TGM4: variants seen among roughly 807,000 people sequenced by gnomAD.
TGM4 encodes the protein protein-glutamine gamma-glutamyltransferase 4.
Under a neutral mutation model 76.3 loss-of-function variants are expected in TGM4, and 61 were observed. The observed-to-expected ratio is 0.80, with a 90% CI of 0.65 to 0.99. TGM4 has a LOEUF of 0.99. Ranked by LOEUF, TGM4 falls within the 50% of genes least tolerant of loss-of-function variation. The pLI is 0.00. For synonymous variants in TGM4, 337 were observed against 329.8 expected (o/e 1.02, Z -0.24); for missense variants, 794 against 843.2 (o/e 0.94, Z 0.72).
At chr3:44,898,003 C>T (rs1259047556) in intron 6 of TGM4, among the ~76,000 whole-genome samples, 4 of 152,130 alleles carry the variant, frequency 2.6e-5, no homozygotes, top group Non-Finnish European at 5.9e-5. Flanking sequence ...AGAGGACGGC[C>T]GGGCGTGGTG....
chr3:44,906,885 C>T (rs1455276612), intron 9 of TGM4, 64 bp from the exon 10 acceptor site: 2 of 1,586,636 alleles, frequency 1.3e-6, no homozygotes, highest in African/African-American at 2.7e-5. Flanking sequence ...ATTGCTGCCA[C>T]TGGGTCCAGG....
chr3:44,881,342 G>A (rs979927528), intron 1 of TGM4, among the ~76,000 whole-genome samples: 5 of 152,170 alleles, frequency 3.3e-5, no homozygotes, highest in African/African-American at 4.8e-5. Context: ...CTTACCAGAA[G>A]GAAGGAGAAG....
At chr3:44,878,639 T>C (rs1431559754) in intron 1 of TGM4, among the ~76,000 whole-genome samples, 1 of 151,850 alleles carries the variant, frequency 6.6e-6, no homozygotes, top group African/African-American at 2.4e-5. Flanking sequence ...TGCGCCACAT[T>C]ACCCAGCTAA....
chr3:44,874,732 C>G, intron 1 of TGM4, 35 bp downstream of exon 1: 1 of 1,613,968 alleles, frequency 6.2e-7, no homozygotes, highest in Non-Finnish European at 8.5e-7. Context: ...GCCCCACATG[C>G]CCCTTCAGCC....
Position 44,914,509 on chromosome 3 carries a change from T to G in TGM4, c.*784T>G, listed in dbSNP as rs1165963454. On this transcript the variant is annotated 3_prime_UTR_variant, in exon 14 of 14. Coordinates refer to ENST00000296125, the MANE Select transcript of TGM4 (RefSeq NM_003241.4). ...ACTATCCTGGCAACTCAAGGCTGCT[T>G]CTGTTAACTGAAGCCTGCTCCTTCT... The G allele has an allele frequency of 6.6e-6, 1 of 152,174 alleles. No individual in the cohort carries two copies. 9.4% of individuals were successfully genotyped at this position (152,174 alleles called of 1,614,324 possible).
At chr3:44,893,919 T>A (rs561119739) in intron 5 of TGM4, among the ~76,000 whole-genome samples, 1 of 145,370 alleles carries the variant, frequency 6.9e-6, no homozygotes, top group Non-Finnish European at 1.5e-5. Context: ...CCATGGCCTT[T>A]CCCATCCACC....
chr3:44,897,006 T>C (rs1448887309), intron 6 of TGM4, among the ~76,000 whole-genome samples, 190 bp downstream of exon 6: 95 of 147,280 alleles, frequency 6.5e-4, no homozygotes, highest in African/African-American at 1.8e-3. Flanking sequence ...TTTTCTTTTT[T>C]TTTTTTTTTT....
At chr3:44,882,029 C>T (rs531615451) in intron 1 of TGM4, among the ~76,000 whole-genome samples, 15 of 145,868 alleles carry the variant, frequency 1.0e-4, no homozygotes, top group Non-Finnish European at 1.9e-4. Flanking sequence ...TATCCAAGTG[C>T]AATAGCTACA....
intron 1 of TGM4, among the ~76,000 whole-genome samples, chr3:44,875,450 G>A (rs1699438956): frequency 1.3e-5 from 2 of 152,214 alleles, no homozygotes; most frequent in South Asian, 2.1e-4. Context: ...GCTGTCAGCA[G>A]TGTCATTGCT....
At chr3:44,891,547 T>A (rs989312629) in intron 4 of TGM4, among the ~76,000 whole-genome samples, 1 of 152,030 alleles carries the variant, frequency 6.6e-6, no homozygotes. Flanking sequence ...ACACAAGCTT[T>A]TTATTTTTGA....
chr3:44,892,576 G>T (rs113605476), intron 4 of TGM4, among the ~76,000 whole-genome samples: 14,906 of 151,824 alleles, frequency 0.098, 822 homozygotes, highest in Middle Eastern at 0.15. Context: ...TCGCCATGTT[G>T]GTCAGGCTGG....
chr3:44,884,962 G>T (rs1020532474), intron 1 of TGM4, among the ~76,000 whole-genome samples: 1 of 152,226 alleles, frequency 6.6e-6, no homozygotes, highest in Non-Finnish European at 1.5e-5. Flanking sequence ...GAGAGGGGGA[G>T]TTGGGGTGGG....
Position 44,875,829 on chromosome 3 carries a change from A to T in TGM4, c.19+1132A>T, listed in dbSNP as rs1699444778. Among the ~76,000 whole-genome samples the T allele has an allele frequency of 2.0e-5, 3 of 152,162 alleles. No homozygotes were observed. In the South Asian group the frequency reaches 6.2e-4, roughly 32 times the overall value. On this transcript the variant is annotated intron_variant, in intron 1 of 13. Coordinates refer to ENST00000296125, the MANE Select transcript of TGM4 (RefSeq NM_003241.4). ...AATCAGACTCTTCTTTTTAGTCCCA[A>T]GGCCACAGAGTTTTGAATTCCTCCT...
intron 8 of TGM4, chr3:44,903,607 C>T: frequency 2.2e-6 from 1 of 452,110 alleles, no homozygotes; most frequent in Admixed American, 3.6e-5. Context: ...GTGAAGACTC[C>T]CAGGCTCTTT....
At chr3:44,876,669 AATCTTAG>A (rs1236123873) in intron 1 of TGM4, among the ~76,000 whole-genome samples, 1 of 152,244 alleles carries the variant, frequency 6.6e-6, no homozygotes, top group Non-Finnish European at 1.5e-5. Context: ...TATGAAAAAT[AATCTTAG>A]AGTAGAGAAG....
chr3:44,900,666 G>A (rs1167399257), intron 6 of TGM4, among the ~76,000 whole-genome samples: 2 of 152,158 alleles, frequency 1.3e-5, no homozygotes, highest in African/African-American at 4.8e-5. Flanking sequence ...GGTGGATGTG[G>A]TCAAAGCCAG....
Position 44,893,611 on chromosome 3 carries a change from CAA to C in TGM4, c.467_468del (p.Lys156ArgfsTer6). ...TTTTCATGCCTGATGAGGACGAGCG[CAA>C]AGAGTACATCCTCAATGACACGGGC... is the stretch of plus-strand genomic sequence containing the variant. ...MVFMPDEDER[K>X]EYILNDTGCH... On this transcript the variant is annotated frameshift_variant, in exon 5 of 14. Transcript: ENST00000296125. LOFTEE classifies it high-confidence loss of function. 1 of 1,613,844 alleles carries C rather than the reference CAA, an allele frequency of 6.2e-7. No homozygotes were observed. The highest frequency in any genetic ancestry group is 8.5e-7 in the Non-Finnish European group (1 of 1,179,856).
chr3:44,910,910 G>C (rs754287161), intron 11 of TGM4, 48 bp from the exon 12 acceptor site: 5 of 1,586,816 alleles, frequency 3.2e-6, no homozygotes, highest in African/African-American at 2.7e-5. Context: ...ACTCATACTG[G>C]GGGGGTATGA....
intron 1 of TGM4, among the ~76,000 whole-genome samples, chr3:44,875,581 G>A (rs542240218): frequency 2.6e-5 from 4 of 151,994 alleles, no homozygotes; most frequent in Admixed American, 6.6e-5. Context: ...CAGGGAGTCC[G>A]GGTGCTGCTA....
Sources: gnomAD v4.1 joint callset for allele counts (sites outside exome capture counted in the v4.1 genomes callset) on GRCh38, gnomAD v4.1.1 for gene constraint, MANE v1.5 for transcripts, NCBI Gene and HGNC (gene_info 2026-07-23, HGNC 2026-07-21) for gene names.